Variants in PXN observed in about 807,000 individuals in gnomAD.
PXN encodes the protein testicular tissue protein Li 134.
A neutral mutation model predicts 103.6 loss-of-function variants in PXN; 61 were observed. The observed-to-expected ratio is 0.59, with a 90% CI of 0.48 to 0.73. The LOEUF (loss-of-function observed/expected upper bound fraction) is 0.73. Ranked by LOEUF, PXN falls within the 30% of genes least tolerant of loss-of-function variation. PXN has a pLI of 0.00. For synonymous variants in PXN, 562 were observed against 607.8 expected (o/e 0.92, Z 1.11); for missense variants, 1,274 against 1,460.3 (o/e 0.87, Z 2.08).
At chr12:120,243,631 G>A (rs1430202491) in intron 1 of PXN, among the ~76,000 whole-genome samples, 1 of 152,180 alleles carries the variant, frequency 6.6e-6, no homozygotes, top group African/African-American at 2.4e-5. Flanking sequence ...GTTTGAAGCT[G>A]CAAGTGAGCT....
intron 1 of PXN, among the ~76,000 whole-genome samples, chr12:120,238,019 A>T (rs1383995328): frequency 1.3e-5 from 2 of 152,212 alleles, no homozygotes; most frequent in Non-Finnish European, 2.9e-5. Flanking sequence ...TGAAGAGGGC[A>T]AGGCCAATTT....
chr12:120,248,039 A>C (rs778298356), intron 1 of PXN, among the ~76,000 whole-genome samples: 49 of 152,206 alleles, frequency 3.2e-4, no homozygotes, highest in Admixed American at 1.8e-3. Context: ...GAAAAGAAAA[A>C]GTGACAAATC....
At chr12:120,242,775 G>A (rs560527312) in intron 1 of PXN, among the ~76,000 whole-genome samples, 62 of 152,074 alleles carry the variant, frequency 4.1e-4, no homozygotes, top group Non-Finnish European at 8.4e-4. Context: ...CAGCTATTCA[G>A]GAGGCTGAGG....
intron 1 of PXN, among the ~76,000 whole-genome samples, chr12:120,252,230 T>C (rs1206055604): frequency 6.6e-6 from 1 of 152,052 alleles, no homozygotes; most frequent in East Asian, 1.9e-4. Flanking sequence ...CATCAAGTAG[T>C]TATTAAGTGA....
At chr12:120,248,840 A>G (rs1366641722) in intron 1 of PXN, 1 of 152,206 alleles carries the variant, frequency 6.6e-6, no homozygotes, top group African/African-American at 2.4e-5. Context: ...ACACTATATT[A>G]ATGCTGGCAG....
At chr12:120,250,250 C>G in intron 1 of PXN, 3 of 949,904 alleles carry the variant, frequency 3.2e-6, no homozygotes, top group Non-Finnish European at 3.8e-6. Flanking sequence ...ACAGAGGGGG[C>G]AAAGCTCGGC....
rs976206785 is a variant in PXN, at chr12:120,211,765, G to C, written c.*549C>G. On this transcript the variant is annotated 3_prime_UTR_variant, in exon 15 of 15. Coordinates refer to ENST00000637617, the MANE Select transcript of PXN (RefSeq NM_001385981.1). ...GGCAGTCGCCAGGCCTAGGGCACTGGAAGGGTAGGAGGAGCACAGAGAACC... is the reference window on the plus strand; with the variant it reads ...GGCAGTCGCCAGGCCTAGGGCACTGCAAGGGTAGGAGGAGCACAGAGAACC... 4 of 373,756 alleles carry C rather than the reference G, an allele frequency of 1.1e-5. No individual in the cohort carries two copies. Among genetic ancestry groups the C allele is most frequent in the African/African-American group, 4.2e-5 (2 of 47,206 alleles). 23.2% of individuals were successfully genotyped at this position (373,756 alleles called of 1,614,324 possible).
At chr12:120,236,324 T>C (rs549905881) in intron 1 of PXN, among the ~76,000 whole-genome samples, 43 of 152,244 alleles carry the variant, frequency 2.8e-4, no homozygotes, top group African/African-American at 1.0e-3. Flanking sequence ...ATTTTTTTCT[T>C]TTTTTGAGAC....
intron 1 of PXN, among the ~76,000 whole-genome samples, chr12:120,261,232 C>T (rs1218026586): frequency 1.3e-5 from 2 of 152,142 alleles, no homozygotes; most frequent in East Asian, 1.9e-4. Context: ...AAAGTACCCC[C>T]TAGGCCAGAG....
rs1894583987 is a variant in PXN, at chr12:120,265,574, C to A, written c.13+43G>T. The A allele has an allele frequency of 6.8e-7, 1 of 1,478,636 alleles. No homozygotes were observed. The highest frequency in any genetic ancestry group is 3.0e-5 in the East Asian group (1 of 33,344). 91.6% of individuals were successfully genotyped at this position (1,478,636 alleles called of 1,614,324 possible). On this transcript the variant is annotated intron_variant, in intron 1 of 14. Transcript: ENST00000637617. This position sits in a 1 kb window ranked among gnomAD's most constrained non-coding sequence, Gnocchi z 5.7. ...CTGGCGCCCTCCTGGCCCCAAGCTG[C>A]GCGCCTCTCGCCTCCTCCTCCCTCG...
chr12:120,254,273 G>A (rs1892659901), intron 1 of PXN, among the ~76,000 whole-genome samples: 2 of 152,290 alleles, frequency 1.3e-5, no homozygotes, highest in Non-Finnish European at 2.9e-5. Context: ...ATGGGGAGAC[G>A]TGGGTCAAAG....
At chr12:120,256,325 C>T (rs376262722) in intron 1 of PXN, among the ~76,000 whole-genome samples, 9 of 152,004 alleles carry the variant, frequency 5.9e-5, no homozygotes, top group East Asian at 5.8e-4. Flanking sequence ...GCAGGAGGAT[C>T]GCTTGAGTTG....
Position 120,216,931 on chromosome 12 carries a change from C to T in PXN, c.1902G>A (p.Ala634=), listed in dbSNP as rs753513120. The T allele has an allele frequency of 2.5e-5, 39 of 1,530,734 alleles. No individual in the cohort carries two copies. The African/African-American group carries it at 2.9e-4, about 11-fold the overall frequency. The allele number at this position is 1,530,734 out of a possible 1,614,324, so 94.8% of individuals were successfully genotyped here. Reference sequence around the variant, plus strand: ...TCAGCCAGTCCTGGGCAGAGGGCCCCGCCGCCTCCGCCGGCTCCTCTGCCT... The same window carrying T: ...TCAGCCAGTCCTGGGCAGAGGGCCCTGCCGCCTCCGCCGGCTCCTCTGCCT... The part of the protein sequence containing the change: ...QPEAEEPAEA[A]GPSAQDWLTE... The change falls in exon 8 of 15, where the codon GCG becomes GCA. Residue 634 remains alanine (A), a synonymous_variant. Coordinates refer to ENST00000637617, the MANE Select transcript of PXN (RefSeq NM_001385981.1). This position sits in a 1 kb window ranked among gnomAD's most constrained non-coding sequence, Gnocchi z 5.1.
chr12:120,234,802 G>A (rs1028920790), intron 1 of PXN, among the ~76,000 whole-genome samples: 10 of 152,148 alleles, frequency 6.6e-5, no homozygotes, highest in Non-Finnish European at 8.8e-5. Context: ...TAAAATAAAC[G>A]TAAGCCTCCC....
intron 1 of PXN, among the ~76,000 whole-genome samples, chr12:120,235,711 C>A (rs1054351255): frequency 3.3e-5 from 5 of 152,132 alleles, no homozygotes; most frequent in Non-Finnish European, 7.3e-5. Context: ...GGTCTTGAGC[C>A]ACAGAGGAGC....
At chr12:120,241,284 C>T (rs991707922) in intron 1 of PXN, among the ~76,000 whole-genome samples, 4 of 152,180 alleles carry the variant, frequency 2.6e-5, no homozygotes, top group African/African-American at 4.8e-5. Flanking sequence ...CACCTCAATC[C>T]CAGGTGATCA....
In PXN at chr12:120,216,211, G is replaced by C. The variant is rs148482958; in HGVS notation, c.2301+62C>G. On this transcript the variant is annotated intron_variant, in intron 9 of 14. Coordinates refer to ENST00000637617, the MANE Select transcript of PXN (RefSeq NM_001385981.1). The surrounding 1 kb of genome is among the most constrained non-coding windows in gnomAD (Gnocchi z 5.1). ...GTGTGTGCACGTGTGTGTGTGCAGAGTGGGGGATGGCTCAGGCATTAGGAC... is the reference window on the plus strand; with the variant it reads ...GTGTGTGCACGTGTGTGTGTGCAGACTGGGGGATGGCTCAGGCATTAGGAC... 20 of 1,270,560 alleles carry C rather than the reference G, an allele frequency of 1.6e-5. No homozygotes were observed. In the East Asian group the frequency reaches 3.1e-4, roughly 20 times the overall value. 78.7% of individuals were successfully genotyped at this position (1,270,560 alleles called of 1,614,324 possible).
chr12:120,216,297 C>G lies in PXN; in HGVS notation c.2277G>C (p.Glu759Asp). The change falls in exon 9 of 15, where the codon GAG becomes GAC. Residue 759 changes from glutamate (E) to aspartate (D), a missense_variant. This residue lies in a region of PXN where 1,178 missense variants were observed against 1,309.0 expected (regional missense o/e 0.90). Coordinates refer to ENST00000637617, the MANE Select transcript of PXN (RefSeq NM_001385981.1). The surrounding 1 kb of genome is among the most constrained non-coding windows in gnomAD (Gnocchi z 5.1). Reference protein sequence around the residue: ...TMRSVGCQTDEDPLFPPMQIQ... With the variant: ...TMRSVGCQTDDDPLFPPMQIQ... The stretch of plus-strand genomic sequence containing the variant: ...CCTGCATCGGGGGGAAGAGCGGGTC[C>G]TCATCAGTCTGGCAGCCCACGGACC... 5.5e-6 allele frequency: 7 copies of G among 1,281,314 alleles called. No homozygotes were observed. The highest frequency in any genetic ancestry group is 6.9e-6 in the Non-Finnish European group (7 of 1,018,576). 79.4% of individuals were successfully genotyped at this position (1,281,314 alleles called of 1,614,324 possible).
chr12:120,257,108 C>T (rs1187099680), intron 1 of PXN, among the ~76,000 whole-genome samples: 2 of 152,140 alleles, frequency 1.3e-5, no homozygotes, highest in African/African-American at 2.4e-5. Context: ...AGAAGAGAAT[C>T]GGCCTGAAGC....
Sources: allele counts gnomAD v4.1 joint callset (sites outside exome capture counted in the v4.1 genomes callset), GRCh38; gene constraint gnomAD v4.1.1; regional missense constraint gnomAD v4.1.1; non-coding constraint Gnocchi (gnomAD v3.1); transcripts MANE v1.5; gene names NCBI Gene and HGNC (gene_info 2026-07-23, HGNC 2026-07-21).